ADAMTS3: variants seen among roughly 807,000 people sequenced by gnomAD.
ADAMTS3 encodes the protein A disintegrin and metalloproteinase with thrombospondin motifs 3.
ADAMTS3 carries 73 observed loss-of-function variants against 129.0 expected under a neutral mutation model. The observed-to-expected ratio is 0.57, with a 90% CI of 0.47 to 0.69. ADAMTS3 has a LOEUF of 0.69. ADAMTS3 is among the 30% of genes least tolerant of loss of function. ADAMTS3 has a pLI of 0.00. For synonymous variants in ADAMTS3, 477 were observed against 510.8 expected (o/e 0.93, Z 0.89); for missense variants, 1,457 against 1,514.5 (o/e 0.96, Z 0.63).
At chr4:72,479,641 C>A (rs1719366504) in intron 3 of ADAMTS3, among the ~76,000 whole-genome samples, 1 of 152,126 alleles carries the variant, frequency 6.6e-6, no homozygotes, top group Admixed American at 6.5e-5. Flanking sequence ...TGGGCAAGGA[C>A]TTCATGTCTA....
rs145023591 is a variant in ADAMTS3 at position 72,283,295 on chromosome 4, G to T, written c.3459C>A (p.Thr1153=). ...RLVTVPSSPP[T]KRVHLSSASQ... Reference sequence around the variant, plus strand: ...AAGCTGAACTGAGGTGGACCCTCTTGGTGGGTGGGGAGGATGGTACGGTGA... The same window carrying T: ...AAGCTGAACTGAGGTGGACCCTCTTTGTGGGTGGGGAGGATGGTACGGTGA... Residue 1153 remains threonine (T), a synonymous_variant, in exon 22 of 22, where the codon ACC becomes ACA. Coordinates refer to ENST00000286657, the MANE Select transcript of ADAMTS3 (RefSeq NM_014243.3). 2.2e-5 allele frequency: 35 copies of T among 1,614,108 alleles called. No homozygotes were observed. The African/African-American group carries it at 3.9e-4, about 18-fold the overall frequency.
chr4:72,318,751 A>C, intron 9 of ADAMTS3, 47 bp from the exon 10 acceptor site: 3 of 1,574,930 alleles, frequency 1.9e-6, no homozygotes, highest in Non-Finnish European at 2.6e-6. Flanking sequence ...CACTTAAAAA[A>C]ATCATGTCCT....
At chr4:72,529,778 A>C (rs1384819722) in intron 3 of ADAMTS3, among the ~76,000 whole-genome samples, 1 of 101,746 alleles carries the variant, frequency 9.8e-6, no homozygotes, top group Non-Finnish European at 1.8e-5. Flanking sequence ...ATGTTAATTA[A>C]TATATGATAT....
At chr4:72,498,618 T>C (rs182837759) in intron 3 of ADAMTS3, among the ~76,000 whole-genome samples, 1 of 151,298 alleles carries the variant, frequency 6.6e-6, no homozygotes, top group Non-Finnish European at 1.5e-5. Flanking sequence ...ATATTCAATA[T>C]TCCCTCTCTC....
chr4:72,362,131 T>C (rs1218588895), intron 4 of ADAMTS3, among the ~76,000 whole-genome samples: 2 of 147,676 alleles, frequency 1.4e-5, no homozygotes, highest in African/African-American at 5.0e-5. Context: ...TTTAATATTA[T>C]CAATGTATCT....
At chr4:72,450,428 G>C (rs1043231843) in intron 3 of ADAMTS3, among the ~76,000 whole-genome samples, 4 of 151,612 alleles carry the variant, frequency 2.6e-5, no homozygotes, top group Non-Finnish European at 3.0e-5. Flanking sequence ...GCTTATTGTG[G>C]CTGTGTAAGA....
intron 3 of ADAMTS3, among the ~76,000 whole-genome samples, chr4:72,467,198 T>TCTAACTG (rs1471042351): frequency 6.6e-6 from 1 of 152,088 alleles, no homozygotes; most frequent in African/African-American, 2.4e-5. Context: ...TGGCTTTATT[T>TCTAACTG]CTAACTGCCA....
intron 3 of ADAMTS3, among the ~76,000 whole-genome samples, chr4:72,457,848 T>TTTGTTG (rs35050154): frequency 6.0e-5 from 9 of 151,056 alleles, no homozygotes; most frequent in East Asian, 5.9e-4. Context: ...ACTCTCTTGT[T>TTTGTTG]TTGTTGTTGT....
At chr4:72,305,562 T>TC (rs1335912763) in intron 16 of ADAMTS3, among the ~76,000 whole-genome samples, 1 of 151,906 alleles carries the variant, frequency 6.6e-6, no homozygotes, top group Non-Finnish European at 1.5e-5. Context: ...AAATGATTTT[T>TC]CCCTCATATA....
At chr4:72,309,927 T>C (rs1578570140) in intron 14 of ADAMTS3, among the ~76,000 whole-genome samples, 1 of 152,120 alleles carries the variant, frequency 6.6e-6, no homozygotes, top group South Asian at 2.1e-4. Flanking sequence ...AAAAGATGGT[T>C]ATGATGTGAG....
chr4:72,518,404 G>T (rs1015591801), intron 3 of ADAMTS3, among the ~76,000 whole-genome samples: 1 of 152,086 alleles, frequency 6.6e-6, no homozygotes, highest in Non-Finnish European at 1.5e-5. Flanking sequence ...TTAACTTTCT[G>T]TCTCGTAGAT....
chr4:72,529,699 ATT>A (rs1462624007), intron 3 of ADAMTS3, among the ~76,000 whole-genome samples: 1 of 120,832 alleles, frequency 8.3e-6, no homozygotes, highest in Non-Finnish European at 1.6e-5. Flanking sequence ...AATAATATAT[ATT>A]AATATTAAAT....
At chr4:72,368,114 T>A (rs1019913168) in intron 4 of ADAMTS3, among the ~76,000 whole-genome samples, 2 of 152,224 alleles carry the variant, frequency 1.3e-5, no homozygotes, top group African/African-American at 4.8e-5. Context: ...TAGTATGTAG[T>A]CATATTTACA....
intron 5 of ADAMTS3, among the ~76,000 whole-genome samples, chr4:72,337,425 C>T (rs1412318255): frequency 3.9e-5 from 6 of 152,030 alleles, no homozygotes; most frequent in Admixed American, 6.6e-5. Context: ...ACATAGAAGT[C>T]CTTTACATTT....
intron 2 of ADAMTS3, among the ~76,000 whole-genome samples, chr4:72,566,093 G>GT (rs1722013991): frequency 6.6e-6 from 1 of 152,160 alleles, no homozygotes; most frequent in Non-Finnish European, 1.5e-5. Flanking sequence ...CGAATGACAA[G>GT]TATCTGATCA....
chr4:72,550,841 T>A (rs529643652), intron 2 of ADAMTS3, among the ~76,000 whole-genome samples: 13 of 152,270 alleles, frequency 8.5e-5, no homozygotes, highest in Admixed American at 5.2e-4. Flanking sequence ...AGCCCTTGTA[T>A]GTGTACTGAC....
chr4:72,356,813 C>T (rs1177626566), intron 4 of ADAMTS3, among the ~76,000 whole-genome samples: 1 of 151,654 alleles, frequency 6.6e-6, no homozygotes, highest in African/African-American at 2.4e-5. Context: ...ATATGCTAGA[C>T]CTCTACACTG....
intron 3 of ADAMTS3, among the ~76,000 whole-genome samples, chr4:72,455,557 G>A (rs1718526864): frequency 1.3e-5 from 2 of 149,774 alleles, no homozygotes; most frequent in African/African-American, 4.9e-5. Context: ...AACCATCATG[G>A]TACGTGTATA....
In ADAMTS3 at chr4:72,436,845, G is replaced by A. The variant is rs765232513; in HGVS notation, c.505-21874C>T. On this transcript the variant is annotated intron_variant, in intron 3 of 21. Coordinates refer to ENST00000286657, the MANE Select transcript of ADAMTS3 (RefSeq NM_014243.3). ...CACAGGGTGGGGAACATCACACACC[G>A]AGGACTGTTGTGGGGTGGGGGGAGT... is the stretch of plus-strand genomic sequence containing the variant. Among the ~76,000 whole-genome samples the A allele has an allele frequency of 2.0e-5, 3 of 151,546 alleles. No individual in the cohort carries two copies. In the South Asian group the frequency reaches 6.2e-4, roughly 32 times the overall value.
Sources: gnomAD v4.1 joint callset for allele counts (sites outside exome capture counted in the v4.1 genomes callset) on GRCh38, gnomAD v4.1.1 for gene constraint, MANE v1.5 for transcripts, NCBI Gene and HGNC (gene_info 2026-07-23, HGNC 2026-07-21) for gene names.